Variants in ARHGEF10L observed in about 807,000 individuals in gnomAD.
ARHGEF10L encodes the protein rho guanine nucleotide exchange factor 10-like protein.
ARHGEF10L carries 69 observed loss-of-function variants against 141.2 expected under a neutral mutation model. The ratio of observed to expected loss-of-function variants is 0.49; its 90% confidence interval spans 0.40 to 0.60. The LOEUF (loss-of-function observed/expected upper bound fraction) is 0.60, where lower values mean the gene tolerates loss of function less well. Among genes scored for constraint, ARHGEF10L ranks in the 20% least tolerant of loss-of-function variants. The probability of loss-of-function intolerance (pLI) is 0.00; values close to 1 mark genes in which losing one functional copy is unlikely to be tolerated. For missense variants in ARHGEF10L, 1,482 were observed against 1,734.3 expected, an observed-to-expected ratio of 0.85 and a Z score of 2.58; for synonymous variants, 711 against 718.5, an observed-to-expected ratio of 0.99 and a Z score of 0.17.
At chr1:17,582,422 G>A (rs2078653598) in intron 2 of ARHGEF10L, among the ~76,000 whole-genome samples, 1 of 152,228 alleles carries the variant, frequency 6.6e-6, no homozygotes, top group Non-Finnish European at 1.5e-5. Context: ...GGTGAACCCA[G>A]CTCTTTGCCA....
intron 18 of ARHGEF10L, among the ~76,000 whole-genome samples, chr1:17,636,190 C>T (rs772928589): frequency 2.0e-5 from 3 of 152,154 alleles, no homozygotes; most frequent in African/African-American, 4.8e-5. Context: ...ACTCCAGGGA[C>T]GCTTAGGGGA....
chr1:17,523,691 C>T, the ARHGEF10L span, among the ~76,000 whole-genome samples: 1 of 152,230 alleles, frequency 6.6e-6, no homozygotes, highest in Admixed American at 6.5e-5. Context: ...GCTCTTCCCA[C>T]TCAGTGCCTT....
chr1:17,619,268 C>T lies in ARHGEF10L; in HGVS notation c.836-71C>T, dbSNP rs995096828. On this transcript the variant is annotated intron_variant, in intron 9 of 28. Coordinates refer to ENST00000361221, the MANE Select transcript of ARHGEF10L (RefSeq NM_018125.4). This position sits in a 1 kb window ranked among gnomAD's most constrained non-coding sequence, Gnocchi z 5.0. ...TCCAAGGCTGGTCTAGGGGGGCTCT[C>T]AGCTCCTGAGGCCTGAGCAGGGTGT... is the stretch of plus-strand genomic sequence containing the variant. 3.4e-6 allele frequency: 5 copies of T among 1,475,944 alleles called. No homozygotes were observed. Among genetic ancestry groups the T allele is most frequent in the Admixed American group, 3.8e-5 (2 of 53,260 alleles). 91.4% of individuals were successfully genotyped at this position (1,475,944 alleles called of 1,614,324 possible).
intron 16 of ARHGEF10L, among the ~76,000 whole-genome samples, chr1:17,633,510 A>AT (rs1053338783): frequency 4.7e-5 from 7 of 149,314 alleles, no homozygotes; most frequent in African/African-American, 7.4e-5. Flanking sequence ...CACCTAGCTA[A>AT]TTTTTTTTTT....
chr1:17,689,923 C>T (rs771068641), intron 27 of ARHGEF10L: 9 of 444,158 alleles, frequency 2.0e-5, no homozygotes, highest in South Asian at 1.4e-4. Flanking sequence ...GCCTGTACAA[C>T]CCTGACTTTA....
Position 17,639,813 on chromosome 1 carries a change from G to A in ARHGEF10L, c.2172-389G>A. ...AGGTGCTGGGAACAGACCCAAGTGA[G>A]ACCCATTCCTCCCTCTAGAGGCACG... On this transcript the variant is annotated intron_variant, in intron 20 of 28. Coordinates refer to ENST00000361221, the MANE Select transcript of ARHGEF10L (RefSeq NM_018125.4). The surrounding 1 kb of genome is among the most constrained non-coding windows in gnomAD (Gnocchi z 4.3). The A allele has an allele frequency of 1.5e-6, 2 of 1,317,826 alleles. No individual in the cohort carries two copies. The highest frequency in any genetic ancestry group is 2.0e-6 in the Non-Finnish European group (2 of 1,006,686). 81.6% of individuals were successfully genotyped at this position (1,317,826 alleles called of 1,614,324 possible).
the ARHGEF10L span, among the ~76,000 whole-genome samples, chr1:17,520,414 G>A: frequency 6.6e-6 from 1 of 152,250 alleles, no homozygotes; most frequent in Admixed American, 6.5e-5. Flanking sequence ...CCTGTCACTT[G>A]TGCTCCCTTC....
At chr1:17,618,715 C>T (rs918236756) in intron 9 of ARHGEF10L, among the ~76,000 whole-genome samples, 2 of 152,198 alleles carry the variant, frequency 1.3e-5, no homozygotes, top group African/African-American at 4.8e-5. Flanking sequence ...GAACCCTCTC[C>T]GGAGCCTCCC....
Position 17,636,513 on chromosome 1 carries a change from A to G in ARHGEF10L, c.1928-1375A>G, listed in dbSNP as rs1465129184. 2.0e-5 allele frequency among the ~76,000 whole-genome samples: 3 copies of G among 152,162 alleles called. No homozygotes were observed. The South Asian group carries it at 6.2e-4, about 32-fold the overall frequency. On this transcript the variant is annotated intron_variant, in intron 18 of 28. Transcript: ENST00000361221. ...TGAAACCAATTTGTTCACAGTGTGG[A>G]TGTGGCTCAGGCCCTGGTAGAGCAG... is the stretch of plus-strand genomic sequence containing the variant.
rs2061487618 is a variant in ARHGEF10L, at chr1:17,644,584, A to T, written c.2273-3970A>T. 6.6e-6 allele frequency among the ~76,000 whole-genome samples: 1 copy of T among 152,230 alleles called. No homozygotes were observed. The highest frequency in any genetic ancestry group is 2.4e-5 in the African/African-American group (1 of 41,456). ...CTGCTGAGGTCCAGCCCAGCCTGAC[A>T]TCTGTGGCTGTGGCCAGCAGCATCT... On this transcript the variant is annotated intron_variant, in intron 21 of 28. Transcript: ENST00000361221. This position sits in a 1 kb window ranked among gnomAD's most constrained non-coding sequence, Gnocchi z 4.5.
intron 8 of ARHGEF10L, among the ~76,000 whole-genome samples, chr1:17,614,037 C>A (rs188326367): frequency 2.7e-4 from 41 of 152,348 alleles, no homozygotes; most frequent in African/African-American, 9.9e-4. Flanking sequence ...CCTTGTGGCA[C>A]TCTGGGCAGT....
intron 1 of ARHGEF10L, among the ~76,000 whole-genome samples, chr1:17,545,637 G>A (rs1378116190): frequency 6.6e-6 from 1 of 152,192 alleles, no homozygotes; most frequent in Non-Finnish European, 1.5e-5. Flanking sequence ...GGGGCTTGTG[G>A]AGTTGTGATG....
In ARHGEF10L at chr1:17,625,885, G is replaced by C; in HGVS notation, c.1318-71G>C. On this transcript the variant is annotated intron_variant, in intron 13 of 28. Transcript: ENST00000361221. This position sits in a 1 kb window ranked among gnomAD's most constrained non-coding sequence, Gnocchi z 4.5. The stretch of plus-strand genomic sequence containing the variant: ...GGGAGAGGAGCCCAGAATGGGGACA[G>C]TGTCTGGACTCTGGGGCACTGGGCC... 7.4e-7 allele frequency: 1 copy of C among 1,351,496 alleles called. No homozygotes were observed. The highest frequency in any genetic ancestry group is 1.7e-5 in the Admixed American group (1 of 58,722). 83.7% of individuals were successfully genotyped at this position (1,351,496 alleles called of 1,614,324 possible).
chr1:17,588,808 G>T (rs2079253598), intron 4 of ARHGEF10L, among the ~76,000 whole-genome samples: 1 of 145,618 alleles, frequency 6.9e-6, no homozygotes, highest in Non-Finnish European at 1.5e-5. Context: ...CACCCCCTCT[G>T]TTGGGTTTGT....
At chr1:17,567,862 C>T (rs191735211) in intron 1 of ARHGEF10L, among the ~76,000 whole-genome samples, 49 of 152,310 alleles carry the variant, frequency 3.2e-4, no homozygotes, top group Non-Finnish European at 5.6e-4. Flanking sequence ...TGCTGCATTT[C>T]GCACCAACTA....
At chr1:17,608,679 C>T (rs2101048957) in intron 7 of ARHGEF10L, among the ~76,000 whole-genome samples, 1 of 152,322 alleles carries the variant, frequency 6.6e-6, no homozygotes, top group South Asian at 2.1e-4. Context: ...CACCAAGAGG[C>T]AGTGTCTGTC....
intron 4 of ARHGEF10L, among the ~76,000 whole-genome samples, chr1:17,595,604 T>G (rs1345675840): frequency 6.6e-6 from 1 of 152,132 alleles, no homozygotes; most frequent in Non-Finnish European, 1.5e-5. Context: ...TCTGTGACCA[T>G]GTGTGGGGTG....
Position 17,607,804 on chromosome 1 carries a change from G to T in ARHGEF10L, c.436G>T (p.Ala146Ser), listed in dbSNP as rs1443790666. ...ACCGGCTGCCGCTTGGCCAGCAGGGGCAGAGAGGAACCTGCTCTACGAGGA... is the reference window on the plus strand; with the variant it reads ...ACCGGCTGCCGCTTGGCCAGCAGGGTCAGAGAGGAACCTGCTCTACGAGGA... ...CESPDAHQPG[A>S]ERNLLYEDAH... The change falls in exon 7 of 29, where the codon GCA becomes TCA. Residue 146 changes from alanine (A) to serine (S), a missense_variant and splice_region_variant. Coordinates refer to ENST00000361221, the MANE Select transcript of ARHGEF10L (RefSeq NM_018125.4). The surrounding 1 kb of genome is among the most constrained non-coding windows in gnomAD (Gnocchi z 4.5). The T allele has an allele frequency of 2.1e-5, 33 of 1,576,960 alleles. No homozygotes were observed. Among genetic ancestry groups the T allele is most frequent in the Non-Finnish European group, 2.8e-5 (33 of 1,163,838 alleles).
chr1:17,522,729 T>C, the ARHGEF10L span, among the ~76,000 whole-genome samples: 2 of 152,036 alleles, frequency 1.3e-5, no homozygotes, highest in East Asian at 1.9e-4. Context: ...GCTGGATCTC[T>C]TCAGTTAATG....
Sources: allele counts gnomAD v4.1 joint callset (sites outside exome capture counted in the v4.1 genomes callset), GRCh38; gene constraint gnomAD v4.1.1; non-coding constraint Gnocchi (gnomAD v3.1); transcripts MANE v1.5; gene names NCBI Gene and HGNC (gene_info 2026-07-23, HGNC 2026-07-21).